The following PLAG1 variants were observed in gnomAD, a reference collection of about 807,000 sequenced individuals.
PLAG1 encodes zinc finger protein PLAG1.
PLAG1 carries 7 observed loss-of-function variants against 35.5 expected under a neutral mutation model. The observed-to-expected ratio is 0.20, with a 90% CI of 0.11 to 0.37. PLAG1 has a LOEUF of 0.37. Among genes scored for constraint, PLAG1 ranks in the 10% least tolerant of loss-of-function variants. The pLI, the probability that PLAG1 is intolerant of heterozygous loss-of-function variation, is 1.00. For missense variants in PLAG1, 454 were observed against 602.8 expected, an observed-to-expected ratio of 0.75 and a Z score of 2.58; for synonymous variants, 229 against 225.4, an observed-to-expected ratio of 1.02 and a Z score of -0.14.
At chr8:56,190,961 G>C (rs1812164563) in intron 1 of PLAG1, among the ~76,000 whole-genome samples, 1 of 152,182 alleles carries the variant, frequency 6.6e-6, no homozygotes, top group African/African-American at 2.4e-5. Flanking sequence ...TGCAAGGGCA[G>C]GCATGGGAAA....
At chr8:56,181,790 TG>T (rs1251084405) in intron 1 of PLAG1, among the ~76,000 whole-genome samples, 1 of 152,188 alleles carries the variant, frequency 6.6e-6, no homozygotes, top group East Asian at 1.9e-4. Context: ...TGCCATAACG[TG>T]GTATCAGAGT....
intron 1 of PLAG1, among the ~76,000 whole-genome samples, chr8:56,193,063 T>C (rs2129231614): frequency 6.6e-6 from 1 of 152,326 alleles, no homozygotes; most frequent in South Asian, 2.1e-4. Flanking sequence ...AAAAGATAAG[T>C]AGGCAGATTT....
chr8:56,178,974 T>G (rs1054743016), intron 2 of PLAG1, among the ~76,000 whole-genome samples: 1 of 121,730 alleles, frequency 8.2e-6, no homozygotes, highest in Non-Finnish European at 1.6e-5. Context: ...TGAGCAAGTC[T>G]AATCCCCCTC....
chr8:56,210,800 T>C (rs1179991833), intron 1 of PLAG1, among the ~76,000 whole-genome samples: 1 of 151,348 alleles, frequency 6.6e-6, no homozygotes, highest in Non-Finnish European at 1.5e-5. Flanking sequence ...GAGGAAAACT[T>C]TTCAAACTTT....
At chr8:56,192,765 T>C (rs1370607033) in intron 1 of PLAG1, among the ~76,000 whole-genome samples, 1 of 152,192 alleles carries the variant, frequency 6.6e-6, no homozygotes, top group Non-Finnish European at 1.5e-5. Context: ...AGCTTTCCTT[T>C]TTAAGAGACT....
chr8:56,166,485 A>G lies in PLAG1; in HGVS notation c.1261T>C (p.Leu421=). ...LNTPALDFSQ[L]FNFIPLNGPP... is the part of the protein sequence containing the mutation. ...CCATTTAAAGGTATGAAATTAAACA[A>G]CTGAGAAAAATCCAATGCTGGTGTG... Residue 421 remains leucine (L), a synonymous_variant, in exon 5 of 5, where the codon TTG becomes CTG. Transcript: ENST00000316981. The G allele has an allele frequency of 6.2e-7, 1 of 1,613,962 alleles. No homozygotes were observed. Among genetic ancestry groups the G allele is most frequent in the Non-Finnish European group, 8.5e-7 (1 of 1,179,886 alleles).
In PLAG1 at chr8:56,166,792, T is replaced by C. The variant is rs753746745; in HGVS notation, c.954A>G (p.Pro318=). 2.5e-6 allele frequency: 4 copies of C among 1,613,994 alleles called. No individual in the cohort carries two copies. Among genetic ancestry groups the C allele is most frequent in the East Asian group, 2.2e-5 (1 of 44,890 alleles). Reference sequence around the variant, plus strand: ...AGGGATGAACAGTGTCCATATCTATTGGGCATGTCATTCCCAAAGGTAAAG... The same window carrying C: ...AGGGATGAACAGTGTCCATATCTATCGGGCATGTCATTCCCAAAGGTAAAG... The part of the protein sequence containing the change: ...ITTLPLGMTC[P]IDMDTVHPSH... The change falls in exon 5 of 5, where the codon CCA becomes CCG. Residue 318 remains proline (P), a synonymous_variant. Transcript: ENST00000316981.
At position 56,199,732 on chromosome 8, in the gene PLAG1, C is replaced by A. The variant is rs74339886; in HGVS notation, c.-322+11389G>T. Reference sequence around the variant, plus strand: ...ACTAGGCAGTACGTCTCCACCACCCCCCCCGATCCTCCCCTACAGGAGGGC... The same window carrying A: ...ACTAGGCAGTACGTCTCCACCACCCACCCCGATCCTCCCCTACAGGAGGGC... On this transcript the variant is annotated intron_variant, in intron 1 of 4. Coordinates refer to ENST00000316981, the MANE Select transcript of PLAG1 (RefSeq NM_002655.3). Among the ~76,000 whole-genome samples the A allele has an allele frequency of 7.9e-5, 12 of 152,172 alleles. No individual in the cohort carries two copies. In the East Asian group the frequency reaches 1.4e-3, roughly 17 times the overall value.
chr8:56,198,706 C>T (rs971740731), intron 1 of PLAG1, among the ~76,000 whole-genome samples: 2 of 152,172 alleles, frequency 1.3e-5, no homozygotes, highest in Non-Finnish European at 2.9e-5. Context: ...ATTCAGGCCT[C>T]TATACAAAGG....
At chr8:56,199,916 T>C (rs909135486) in intron 1 of PLAG1, among the ~76,000 whole-genome samples, 4 of 152,178 alleles carry the variant, frequency 2.6e-5, no homozygotes, top group Admixed American at 2.6e-4. Flanking sequence ...AGAATGGGGA[T>C]GCAGGTAAAA....
intron 1 of PLAG1, among the ~76,000 whole-genome samples, chr8:56,207,478 T>A (rs1387391331): frequency 1.3e-5 from 2 of 152,052 alleles, no homozygotes; most frequent in Non-Finnish European, 2.9e-5. Context: ...ATTCACTAAT[T>A]TATTTTGCTA....
At chr8:56,192,419 C>T (rs575438531) in intron 1 of PLAG1, among the ~76,000 whole-genome samples, 80 of 152,334 alleles carry the variant, frequency 5.3e-4, no homozygotes, top group Middle Eastern at 3.4e-3. Flanking sequence ...TGTGGTCATT[C>T]ATTCTCAAGT....
intron 1 of PLAG1, among the ~76,000 whole-genome samples, chr8:56,180,214 C>G (rs1275607949): frequency 6.6e-6 from 1 of 152,218 alleles, no homozygotes; most frequent in Non-Finnish European, 1.5e-5. Flanking sequence ...GAAAAAGAAG[C>G]CACAAGTTCT....
At position 56,167,117 on chromosome 8, in the gene PLAG1, C is replaced by A. The variant is rs764120710; in HGVS notation, c.629G>T (p.Arg210Ile). 6.2e-6 allele frequency: 10 copies of A among 1,613,976 alleles called. No individual in the cohort carries two copies. Among genetic ancestry groups the A allele is most frequent in the Non-Finnish European group, 8.5e-6 (10 of 1,180,024 alleles). The change falls in exon 5 of 5, where the codon AGA (arginine) becomes ATA (isoleucine). Residue 210 changes from arginine to isoleucine, a missense_variant. Coordinates refer to ENST00000316981, the MANE Select transcript of PLAG1 (RefSeq NM_002655.3). The surrounding 1 kb of genome is among the most constrained non-coding windows in gnomAD (Gnocchi z 5.9). ...VRRHMVVHTG[R>I]KDFLCQYCAQ... Reference sequence around the variant, plus strand: ...ACAATACTGACAGAGGAAGTCCTTTCTTCCAGTGTGCACCACCATGTGTCT... The same window carrying A: ...ACAATACTGACAGAGGAAGTCCTTTATTCCAGTGTGCACCACCATGTGTCT...
At chr8:56,197,186 T>G (rs1482326391) in intron 1 of PLAG1, among the ~76,000 whole-genome samples, 1 of 152,126 alleles carries the variant, frequency 6.6e-6, no homozygotes, top group African/African-American at 2.4e-5. Context: ...TACCCCCATC[T>G]GAGCATGTGT....
At position 56,165,487 on chromosome 8, in the gene PLAG1, A is replaced by G. The variant is rs1811327835; in HGVS notation, c.*756T>C. On this transcript the variant is annotated 3_prime_UTR_variant, in exon 5 of 5. Coordinates refer to ENST00000316981, the MANE Select transcript of PLAG1 (RefSeq NM_002655.3). ...ACTATTACTATTATTAAATGAAAAG[A>G]TAGCATGTTAAGAAGGATGAAACAC... The G allele has an allele frequency of 4.7e-6, 1 of 212,194 alleles. No homozygotes were observed. The highest frequency in any genetic ancestry group is 2.3e-5 in the African/African-American group (1 of 44,174). 13.1% of individuals were successfully genotyped at this position (212,194 alleles called of 1,614,324 possible).
chr8:56,195,717 T>C (rs1812341026), intron 1 of PLAG1, among the ~76,000 whole-genome samples: 1 of 152,002 alleles, frequency 6.6e-6, no homozygotes, highest in African/African-American at 2.4e-5. Flanking sequence ...AGCCCAAATC[T>C]AAGGAGACAG....
chr8:56,176,872 A>C (rs35399441), intron 2 of PLAG1, among the ~76,000 whole-genome samples: 39,189 of 152,002 alleles, frequency 0.26, 5,877 homozygotes, highest in African/African-American at 0.41. Flanking sequence ...CAATGAAGGA[A>C]CCTAAATATC....
chr8:56,165,693 A>C lies in PLAG1; in HGVS notation c.*550T>G, dbSNP rs1811333041. The C allele has an allele frequency of 5.1e-6, 1 of 197,138 alleles. No homozygotes were observed. The highest frequency in any genetic ancestry group is 1.9e-4 in the South Asian group (1 of 5,208). The allele number at this position is 197,138 out of a possible 1,614,324, so 12.2% of individuals were successfully genotyped here. The stretch of plus-strand genomic sequence containing the variant: ...CCAGACAACAGGGAGTCTTCAGAAT[A>C]TACTGATCTGAAATTATGGTGTATC... On this transcript the variant is annotated 3_prime_UTR_variant, in exon 5 of 5. Coordinates refer to ENST00000316981, the MANE Select transcript of PLAG1 (RefSeq NM_002655.3).
Sources: allele counts gnomAD v4.1 joint callset (sites outside exome capture counted in the v4.1 genomes callset), GRCh38; gene constraint gnomAD v4.1.1; non-coding constraint Gnocchi (gnomAD v3.1); transcripts MANE v1.5; gene names NCBI Gene and HGNC (gene_info 2026-07-23, HGNC 2026-07-21).